Variants in RIOK2 observed in about 807,000 individuals in gnomAD.
The protein encoded by RIOK2 is serine/threonine-protein kinase RIO2.
RIOK2 carries 46 observed loss-of-function variants against 62.4 expected under a neutral mutation model. The observed-to-expected ratio is 0.74, with a 90% CI of 0.58 to 0.94. The LOEUF is 0.94. Ranked by LOEUF, RIOK2 falls within the 40% of genes least tolerant of loss-of-function variation. The pLI, the probability that RIOK2 is intolerant of heterozygous loss-of-function variation, is 0.00. For missense variants in RIOK2, 574 were observed against 658.0 expected (o/e 0.87, Z 1.40); for synonymous variants, 197 against 216.0 (o/e 0.91, Z 0.77).
chr5:97,180,631 A>G (rs769290865), intron 1 of RIOK2, among the ~76,000 whole-genome samples: 3 of 152,194 alleles, frequency 2.0e-5, no homozygotes, highest in Non-Finnish European at 4.4e-5. Context: ...TATTTTAAGG[A>G]CATTAATGTA....
At position 97,177,282 on chromosome 5, in the gene RIOK2, A is replaced by G. The variant is rs1290724145; in HGVS notation, c.332T>C (p.Ile111Thr). 6.2e-7 allele frequency: 1 copy of G among 1,610,788 alleles called. No homozygotes were observed. Among genetic ancestry groups the G allele is most frequent in the Admixed American group, 1.7e-5 (1 of 59,594 alleles). ...MGVGKESDIY[I>T]VANEEGQQFA... ...TTGTTGTCCTTCTTCATTTGCAACA[A>G]TGTAAATATCTAGAGACAAAATTTC... Residue 111 changes from isoleucine to threonine, a missense_variant, in exon 4 of 10, where the codon ATT (isoleucine) becomes ACT (threonine). Physicochemically the swap from Ile to Thr is moderately conservative, Grantham distance 89. Coordinates refer to ENST00000283109, the MANE Select transcript of RIOK2 (RefSeq NM_018343.3).
Position 97,166,665 on chromosome 5 carries a change from CAT to C in RIOK2, c.1397+800_1397+801del, listed in dbSNP as rs199663555. The C allele has an allele frequency of 9.5e-5, 60 of 629,150 alleles. 1 individual carries two copies. The South Asian group carries it at 3.5e-3, about 37-fold the overall frequency. The allele number at this position is 629,150 out of a possible 1,614,324, so 39.0% of individuals were successfully genotyped here. A position where few individuals can be genotyped will look rare whatever the true frequency, so the allele number is the denominator to read the frequency against. On this transcript the variant is annotated intron_variant, in intron 8 of 9. Transcript: ENST00000283109. Reference sequence around the variant, plus strand: ...ACAAAAAAAAATTATTAAAAGAAAACATAATATCATTAGATAATTTTAACTAC... The same window carrying C: ...ACAAAAAAAAATTATTAAAAGAAAACAATATCATTAGATAATTTTAACTAC...
rs950137129 is a variant in RIOK2, at chr5:97,162,019, T to G, written c.*1042A>C. On this transcript the variant is annotated 3_prime_UTR_variant, in exon 10 of 10. Coordinates refer to ENST00000283109, the MANE Select transcript of RIOK2 (RefSeq NM_018343.3). The stretch of plus-strand genomic sequence containing the variant: ...CTTGCAAATAGCTAGTAGAGTTAAT[T>G]TGGCAAAGGTGAAAGGGAATCTGCT... 6.6e-6 allele frequency: 1 copy of G among 152,204 alleles called. No individual in the cohort carries two copies. Among genetic ancestry groups the G allele is most frequent in the Non-Finnish European group, 1.5e-5 (1 of 68,034 alleles). The allele number at this position is 152,204 out of a possible 1,614,324, so 9.4% of individuals were successfully genotyped here.
chr5:97,179,278 G>A (rs6896160), intron 1 of RIOK2, 85 bp from the exon 2 acceptor site: 1,264,091 of 1,346,032 alleles, frequency 0.94, 593,773 homozygotes, highest in Middle Eastern at 0.98. Context: ...TCTCCTTGAA[G>A]CTTTCCTGAC....
At chr5:97,169,918 CATG>C (rs1254418278) in intron 6 of RIOK2, among the ~76,000 whole-genome samples, 2 of 152,170 alleles carry the variant, frequency 1.3e-5, no homozygotes, top group Non-Finnish European at 2.9e-5. Flanking sequence ...TAATAAAAAT[CATG>C]ATTAGTCATC....
Position 97,160,969 on chromosome 5 carries a change from A to T in RIOK2, c.*2092T>A, listed in dbSNP as rs1748679399. ...GGATAAATACACAACAAAGGATCAT[A>T]GCTGAAATACCAGTGACCATCACAA... On this transcript the variant is annotated 3_prime_UTR_variant, in exon 10 of 10. Transcript: ENST00000283109. 6.6e-6 allele frequency: 1 copy of T among 152,254 alleles called. No individual in the cohort carries two copies. Among genetic ancestry groups the T allele is most frequent in the Admixed American group, 6.5e-5 (1 of 15,288 alleles). The allele number at this position is 152,254 out of a possible 1,614,324, so 9.4% of individuals were successfully genotyped here. A position where few individuals can be genotyped will look rare whatever the true frequency, so the allele number is the denominator to read the frequency against.
At position 97,173,251 on chromosome 5, in the gene RIOK2, T is replaced by C; in HGVS notation, c.511A>G (p.Arg171Gly). Residue 171 changes from arginine (R) to glycine (G), a missense_variant, in exon 5 of 10, where the codon AGG (arginine) becomes GGG (glycine). Physicochemically the swap from Arg to Gly is moderately radical, Grantham distance 125. Transcript: ENST00000283109. ...EFAYMKALYERKFPVPKPIDY... is the reference protein window; with the variant it reads ...EFAYMKALYEGKFPVPKPIDY... ...ATTGGCTTTGGAACTGGAAATTTCC[T>C]CTCATACAATGCCTAAAATGTTGCA... 6.2e-7 allele frequency: 1 copy of C among 1,612,370 alleles called. No homozygotes were observed. Among genetic ancestry groups the C allele is most frequent in the South Asian group, 1.1e-5 (1 of 90,940 alleles).
intron 8 of RIOK2, among the ~76,000 whole-genome samples, 173 bp from the exon 9 acceptor site, chr5:97,165,320 T>C (rs979756201): frequency 6.6e-6 from 1 of 152,284 alleles, no homozygotes; most frequent in Non-Finnish European, 1.5e-5. Context: ...TGTTAAGTTC[T>C]ATACATTAAC....
In RIOK2 at chr5:97,167,504, C is replaced by A; in HGVS notation, c.1360G>T (p.Ala454Ser). The change falls in exon 8 of 10, where the codon GCC (alanine) becomes TCC (serine). Residue 454 changes from alanine to serine, a missense_variant. Coordinates refer to ENST00000283109, the MANE Select transcript of RIOK2 (RefSeq NM_018343.3). ...AATTCTCTATTTAATGACGACAAGG[C>A]AATTAGATGAGGGCATTCATCTTCA... ...EYEDECPHLI[A>S]LSSLNREFRP... The A allele has an allele frequency of 6.2e-7, 1 of 1,614,138 alleles. No homozygotes were observed. Among genetic ancestry groups the A allele is most frequent in the Non-Finnish European group, 8.5e-7 (1 of 1,180,010 alleles).
intron 4 of RIOK2, 91 bp from the exon 5 acceptor site, chr5:97,173,354 A>G: frequency 4.0e-6 from 3 of 754,146 alleles, no homozygotes; most frequent in Non-Finnish European, 6.6e-6. Context: ...ACAACCAGAA[A>G]AAAAACACAC....
intron 9 of RIOK2, among the ~76,000 whole-genome samples, chr5:97,163,777 T>C (rs1188613544): frequency 6.6e-6 from 1 of 152,240 alleles, no homozygotes; most frequent in Non-Finnish European, 1.5e-5. Context: ...ACAATGACCT[T>C]TTCTTTCTCT....
intron 9 of RIOK2, among the ~76,000 whole-genome samples, 173 bp from the exon 10 acceptor site, chr5:97,163,398 T>G (rs1381622738): frequency 6.6e-6 from 1 of 152,180 alleles, no homozygotes; most frequent in Non-Finnish European, 1.5e-5. Flanking sequence ...GAAATACAGA[T>G]TATATAGCAA....
Position 97,165,146 on chromosome 5 carries a change from C to A in RIOK2, c.1399G>T (p.Asp467Tyr), listed in dbSNP as rs77316058. The A allele has an allele frequency of 7.1e-7, 1 of 1,411,018 alleles. No homozygotes were observed. Among genetic ancestry groups the A allele is most frequent in the Admixed American group, 2.6e-5 (1 of 38,382 alleles). The allele number at this position is 1,411,018 out of a possible 1,614,324, so 87.4% of individuals were successfully genotyped here. The change falls in exon 9 of 10, where the codon GAT (aspartate) becomes TAT (tyrosine). Residue 467 changes from aspartate to tyrosine, a missense_variant and splice_region_variant. Coordinates refer to ENST00000283109, the MANE Select transcript of RIOK2 (RefSeq NM_018343.3). ...SLNREFRPFR[D>Y]EENVGAMNQY... ...TTCATAGCTCCCACATTTTCTTCAT[C>A]TCTAAAATTAAAAAACCCACAATTT...
intron 4 of RIOK2, chr5:97,175,909 T>G (rs909821415): frequency 6.6e-5 from 10 of 152,190 alleles, no homozygotes; most frequent in African/African-American, 2.4e-4. Context: ...AACTTAATTT[T>G]GAAGGCAAAG....
chr5:97,163,789 A>C (rs563464687), intron 9 of RIOK2, among the ~76,000 whole-genome samples: 1 of 152,336 alleles, frequency 6.6e-6, no homozygotes, highest in East Asian at 1.9e-4. Flanking sequence ...TCTTTCTCTG[A>C]AGCACTACAG....
chr5:97,173,062 A>G, intron 5 of RIOK2, 113 bp downstream of exon 5: 1 of 667,276 alleles, frequency 1.5e-6, no homozygotes, highest in African/African-American at 1.8e-5. Context: ...CCTTTAAATA[A>G]ATTTTAACCT....
chr5:97,178,330 A>AGTACCTACATGCTCTTCTGCC (rs1483196104), intron 2 of RIOK2, among the ~76,000 whole-genome samples: 1 of 8,550 alleles, frequency 1.2e-4, no homozygotes, highest in Non-Finnish European at 3.0e-4. Context: ...GCTCTTCTGC[A>AGTACCTACATGCTCTTCTGCC]GTACCTACAT....
Position 97,183,203 on chromosome 5 carries a change from T to A in RIOK2, c.-12A>T, listed in dbSNP as rs753045285. 1 of 1,614,072 alleles carries A rather than the reference T, an allele frequency of 6.2e-7. No homozygotes were observed. The highest frequency in any genetic ancestry group is 8.5e-7 in the Non-Finnish European group (1 of 1,179,954). On this transcript the variant is annotated 5_prime_UTR_variant, in exon 1 of 10. Transcript: ENST00000283109. The stretch of plus-strand genomic sequence containing the variant: ...TTCACTTTCCCCATGGCGGCCCCAG[T>A]CCGAACCCAGATGCCTCTCCGACGA...
chr5:97,165,382 A>G (rs1040282014), intron 8 of RIOK2, among the ~76,000 whole-genome samples: 2 of 152,226 alleles, frequency 1.3e-5, no homozygotes, highest in Admixed American at 1.3e-4. Context: ...TAAAAACAGT[A>G]GAATGCTTAA....
Sources: allele counts gnomAD v4.1 joint callset (sites outside exome capture counted in the v4.1 genomes callset), GRCh38; gene constraint gnomAD v4.1.1; transcripts MANE v1.5; gene names NCBI Gene and HGNC (gene_info 2026-07-23, HGNC 2026-07-21).